NELL1: variants seen among roughly 807,000 people sequenced by gnomAD.
The protein encoded by NELL1 is protein kinase C-binding protein NELL1.
In NELL1, 76 loss-of-function variants were observed where a neutral mutation model predicts 107.4. The observed-to-expected ratio is 0.71, with a 90% CI of 0.59 to 0.86. The LOEUF is 0.86. Ranked by LOEUF, NELL1 falls within the 40% of genes least tolerant of loss-of-function variation. The pLI is 0.00. For synonymous variants in NELL1, 353 were observed against 341.2 expected, an observed-to-expected ratio of 1.03 and a Z score of -0.38; for missense variants, 1,024 against 1,005.5, an observed-to-expected ratio of 1.02 and a Z score of -0.25.
At chr11:21,117,747 G>A (rs1855272001) in intron 13 of NELL1, among the ~76,000 whole-genome samples, 1 of 151,956 alleles carries the variant, frequency 6.6e-6, no homozygotes, top group African/African-American at 2.4e-5. Flanking sequence ...CAAGCTGTTG[G>A]AATGGTCACT....
chr11:21,405,121 G>A (rs1380778354), intron 15 of NELL1, among the ~76,000 whole-genome samples: 1 of 151,980 alleles, frequency 6.6e-6, no homozygotes, highest in Non-Finnish European at 1.5e-5. Context: ...GCTTCCGATG[G>A]CTGGGTGGTT....
chr11:20,787,425 A>G (rs1382518729), intron 3 of NELL1, among the ~76,000 whole-genome samples: 1 of 152,224 alleles, frequency 6.6e-6, no homozygotes, highest in Non-Finnish European at 1.5e-5. Flanking sequence ...AGAATCTTTC[A>G]TAATTTTCAG....
At chr11:20,886,095 G>A (rs1489981808) in intron 5 of NELL1, among the ~76,000 whole-genome samples, 2 of 152,092 alleles carry the variant, frequency 1.3e-5, no homozygotes, top group African/African-American at 4.8e-5. Context: ...TAGACACTGT[G>A]GACTACTAGA....
chr11:21,510,871 G>A (rs926965552), intron 15 of NELL1, among the ~76,000 whole-genome samples: 7 of 152,078 alleles, frequency 4.6e-5, no homozygotes, highest in African/African-American at 1.7e-4. Flanking sequence ...CTTTTTAAAA[G>A]AATAACTTTT....
At chr11:20,834,146 T>C (rs1253600044) in intron 3 of NELL1, among the ~76,000 whole-genome samples, 1 of 152,086 alleles carries the variant, frequency 6.6e-6, no homozygotes, top group African/African-American at 2.4e-5. Context: ...TAGTTGCTAG[T>C]AGTAGATGTT....
chr11:21,092,765 T>A (rs1326473525), intron 12 of NELL1, among the ~76,000 whole-genome samples: 1 of 152,212 alleles, frequency 6.6e-6, no homozygotes, highest in African/African-American at 2.4e-5. Flanking sequence ...CATCAAAGTC[T>A]ACTTATCTAT....
chr11:21,285,838 C>T (rs145986291), intron 14 of NELL1, among the ~76,000 whole-genome samples: 2 of 152,306 alleles, frequency 1.3e-5, no homozygotes, highest in African/African-American at 4.8e-5. Context: ...TTTACTGTCA[C>T]TTTATCCTAT....
rs577276754 is a variant in NELL1, at chr11:20,957,563, A to G, written c.1172-2869A>G. On this transcript the variant is annotated intron_variant, in intron 11 of 19. Transcript: ENST00000357134. ...ATGCATGCTATTCAGCATAAACAAC[A>G]AATGGCAAAATTAGATGTGCAAAGC... Among the ~76,000 whole-genome samples, 4 of 152,354 alleles carry G rather than the reference A, an allele frequency of 2.6e-5. No individual in the cohort carries two copies. The South Asian group carries it at 8.3e-4, about 32-fold the overall frequency.
intron 12 of NELL1, among the ~76,000 whole-genome samples, chr11:20,962,165 T>C (rs557864768): frequency 3.3e-5 from 5 of 152,136 alleles, no homozygotes; most frequent in Non-Finnish European, 5.9e-5. Context: ...TCATCTGCCC[T>C]TTAATACATC....
intron 15 of NELL1, among the ~76,000 whole-genome samples, chr11:21,376,852 G>A (rs549547927): frequency 1.2e-4 from 19 of 152,120 alleles, no homozygotes; most frequent in African/African-American, 3.6e-4. Flanking sequence ...CAGTTTGAAC[G>A]TTATTGGTGT....
intron 3 of NELL1, among the ~76,000 whole-genome samples, chr11:20,812,198 AT>A (rs1194867585): frequency 2.6e-5 from 4 of 151,428 alleles, no homozygotes; most frequent in South Asian, 4.2e-4. Context: ...AGATGATCAT[AT>A]TTTTTTTTCC....
intron 3 of NELL1, among the ~76,000 whole-genome samples, chr11:20,839,763 C>A (rs922721528): frequency 6.6e-6 from 1 of 152,146 alleles, no homozygotes; most frequent in Non-Finnish European, 1.5e-5. Flanking sequence ...TTACATCTGG[C>A]ATATTTTTTT....
chr11:21,023,860 A>G (rs997383777), intron 12 of NELL1, among the ~76,000 whole-genome samples: 7 of 152,096 alleles, frequency 4.6e-5, no homozygotes, highest in Admixed American at 3.3e-4. Context: ...ATTTGAATCA[A>G]TGGGTTTCAG....
At chr11:20,876,800 C>A (rs1299816128) in intron 4 of NELL1, among the ~76,000 whole-genome samples, 1 of 151,982 alleles carries the variant, frequency 6.6e-6, no homozygotes. Flanking sequence ...ACAAAAAACC[C>A]AGATAGCTCA....
intron 4 of NELL1, among the ~76,000 whole-genome samples, chr11:20,865,411 G>A (rs7123735): frequency 0.61 from 92,039 of 152,012 alleles, 31,079 homozygotes; most frequent in Non-Finnish European, 0.76. Context: ...GTGGGAGGCC[G>A]GGTGGGATGC....
chr11:21,172,880 T>C (rs1856635729), intron 13 of NELL1, among the ~76,000 whole-genome samples: 1 of 151,512 alleles, frequency 6.6e-6, no homozygotes, highest in African/African-American at 2.4e-5. Flanking sequence ...AGGCCTTTCA[T>C]GGATCTTGTA....
chr11:21,162,796 A>G (rs748364856), intron 13 of NELL1, among the ~76,000 whole-genome samples: 4 of 152,182 alleles, frequency 2.6e-5, no homozygotes, highest in Non-Finnish European at 4.4e-5. Flanking sequence ...ATGGACAACA[A>G]TCACTAGTTT....
intron 13 of NELL1, among the ~76,000 whole-genome samples, chr11:21,164,023 T>C (rs942639246): frequency 6.6e-6 from 1 of 152,038 alleles, no homozygotes; most frequent in Non-Finnish European, 1.5e-5. Flanking sequence ...GAGAAAAAAG[T>C]CATATAAGAA....
At chr11:20,965,595 T>G (rs1038809824) in intron 12 of NELL1, among the ~76,000 whole-genome samples, 3 of 152,082 alleles carry the variant, frequency 2.0e-5, no homozygotes, top group African/African-American at 7.2e-5. Context: ...AAAACACAAG[T>G]GGAATTGTAT....
Sources: allele counts gnomAD v4.1 joint callset (sites outside exome capture counted in the v4.1 genomes callset), GRCh38; gene constraint gnomAD v4.1.1; transcripts MANE v1.5; gene names NCBI Gene and HGNC (gene_info 2026-07-23, HGNC 2026-07-21).